Variants in ZNF804B observed in about 807,000 individuals in gnomAD.
ZNF804B encodes zinc finger 804B.
Under a neutral mutation model 101.4 loss-of-function variants are expected in ZNF804B, and 80 were observed. The ratio of observed to expected loss-of-function variants is 0.79; its 90% CI spans 0.66 to 0.95. ZNF804B has a LOEUF of 0.95. Ranked by LOEUF, ZNF804B falls within the 40% of genes least tolerant of loss-of-function variation. ZNF804B has a pLI of 0.00. For synonymous variants in ZNF804B, 622 were observed against 558.8 expected (o/e 1.11, Z -1.59); for missense variants, 1,673 against 1,561.9 (o/e 1.07, Z -1.20).
At chr7:88,931,675 T>C (rs79388421) in intron 1 of ZNF804B, among the ~76,000 whole-genome samples, 3,647 of 151,996 alleles carry the variant, frequency 0.024, 68 homozygotes, top group Non-Finnish European at 0.035. Flanking sequence ...CTCCCTTTGA[T>C]TGTATGCTCC....
At chr7:88,883,841 G>C (rs928851715) in intron 1 of ZNF804B, among the ~76,000 whole-genome samples, 5 of 151,892 alleles carry the variant, frequency 3.3e-5, no homozygotes, top group African/African-American at 9.7e-5. Flanking sequence ...TGTAGTTAAT[G>C]CTAGTGTTGG....
intron 1 of ZNF804B, among the ~76,000 whole-genome samples, chr7:88,823,819 G>A (rs6975242): frequency 0.5 from 75,491 of 151,890 alleles, 20,570 homozygotes; most frequent in East Asian, 0.81. Flanking sequence ...ATGAGAAGAA[G>A]AGGAAGAAAA....
intron 1 of ZNF804B, among the ~76,000 whole-genome samples, chr7:88,948,646 C>A (rs138324978): frequency 6.6e-6 from 1 of 151,970 alleles, no homozygotes; most frequent in East Asian, 2.0e-4. Context: ...AAATAGACCT[C>A]TTGAGCATTA....
At chr7:89,050,038 C>A (rs753028845) in intron 1 of ZNF804B, among the ~76,000 whole-genome samples, 7 of 152,004 alleles carry the variant, frequency 4.6e-5, no homozygotes, top group Admixed American at 2.6e-4. Context: ...CAAAAAATTT[C>A]TCACTAGTCT....
At position 89,335,253 on chromosome 7, in the gene ZNF804B, T is replaced by G; in HGVS notation, c.2271T>G (p.Cys757Trp). Reference sequence around the variant, plus strand: ...CAGTTGAAAGGCACAAACGGAAATGTCTAAAGCACAACTGCTTCTACTTGT... The same window carrying G: ...CAGTTGAAAGGCACAAACGGAAATGGCTAAAGCACAACTGCTTCTACTTGT... ...HHSVERHKRK[C>W]LKHNCFYLSD... The change falls in exon 4 of 4, where the codon TGT becomes TGG. Residue 757 changes from cysteine (C) to tryptophan (W), a missense_variant. Cys to Trp is a radical substitution (Grantham distance 215, BLOSUM62 -2). Coordinates refer to ENST00000333190, the MANE Select transcript of ZNF804B (RefSeq NM_181646.5). 1 of 1,613,798 alleles carries G rather than the reference T, an allele frequency of 6.2e-7. No homozygotes were observed.
chr7:88,982,631 A>C (rs1223521177), intron 1 of ZNF804B, among the ~76,000 whole-genome samples: 1 of 152,066 alleles, frequency 6.6e-6, no homozygotes, highest in Non-Finnish European at 1.5e-5. Flanking sequence ...ATTAGAGCCC[A>C]CCCATGAGAC....
At chr7:89,257,448 T>C (rs1011410477) in intron 2 of ZNF804B, among the ~76,000 whole-genome samples, 1 of 152,106 alleles carries the variant, frequency 6.6e-6, no homozygotes, top group Non-Finnish European at 1.5e-5. Flanking sequence ...GAGTCCTAAT[T>C]TAATGCATTA....
intron 1 of ZNF804B, among the ~76,000 whole-genome samples, chr7:89,161,360 T>C (rs935751825): frequency 2.0e-5 from 3 of 152,028 alleles, no homozygotes; most frequent in African/African-American, 7.2e-5. Flanking sequence ...CTATGTTACA[T>C]GATCTCAATA....
chr7:89,164,956 C>T (rs1319305363), intron 1 of ZNF804B, among the ~76,000 whole-genome samples: 6 of 151,962 alleles, frequency 3.9e-5, no homozygotes, highest in Non-Finnish European at 8.8e-5. Flanking sequence ...CTCAGAACAG[C>T]CATATGAGGC....
intron 1 of ZNF804B, among the ~76,000 whole-genome samples, chr7:89,062,753 C>T (rs73391207): frequency 0.032 from 4,886 of 152,128 alleles, 269 homozygotes; most frequent in African/African-American, 0.11. Flanking sequence ...CTTTTATTTT[C>T]CAGATTCATT....
At chr7:88,812,252 A>T (rs2115737102) in intron 1 of ZNF804B, among the ~76,000 whole-genome samples, 1 of 152,326 alleles carries the variant, frequency 6.6e-6, no homozygotes, top group Non-Finnish European at 1.5e-5. Flanking sequence ...TCCAAAAGTC[A>T]TTTAATTTTG....
At chr7:89,138,381 C>T (rs1233795161) in intron 1 of ZNF804B, among the ~76,000 whole-genome samples, 9 of 152,194 alleles carry the variant, frequency 5.9e-5, no homozygotes, top group South Asian at 4.1e-4. Flanking sequence ...TGCAGCTTTA[C>T]GATGTGACCG....
chr7:88,854,508 T>C (rs1791515450), intron 1 of ZNF804B, among the ~76,000 whole-genome samples: 1 of 89,762 alleles, frequency 1.1e-5, no homozygotes, highest in African/African-American at 6.1e-5. Context: ...TTTCCTTTCC[T>C]TTCCTTTCCT....
At chr7:89,129,099 A>G (rs547795410) in intron 1 of ZNF804B, among the ~76,000 whole-genome samples, 168 of 152,084 alleles carry the variant, frequency 1.1e-3, no homozygotes, top group Non-Finnish European at 1.7e-3. Context: ...TATACCTGCT[A>G]AAGTTTGATA....
chr7:88,780,920 A>G (rs1336727338), intron 1 of ZNF804B, among the ~76,000 whole-genome samples: 4 of 152,156 alleles, frequency 2.6e-5, no homozygotes, highest in African/African-American at 9.7e-5. Flanking sequence ...TTATTTTATA[A>G]TGTACTAATT....
chr7:89,080,758 G>A (rs935750529), intron 1 of ZNF804B, among the ~76,000 whole-genome samples: 1 of 151,916 alleles, frequency 6.6e-6, no homozygotes, highest in Non-Finnish European at 1.5e-5. Context: ...CGACCATGAA[G>A]AGCTGCCTTA....
At chr7:89,271,232 A>G (rs1287149254) in intron 2 of ZNF804B, among the ~76,000 whole-genome samples, 3 of 152,152 alleles carry the variant, frequency 2.0e-5, no homozygotes, top group Non-Finnish European at 4.4e-5. Context: ...TTATTTTGAG[A>G]TACATCCCAT....
intron 1 of ZNF804B, among the ~76,000 whole-genome samples, chr7:89,195,633 G>A (rs975313220): frequency 6.6e-6 from 1 of 150,580 alleles, no homozygotes; most frequent in Non-Finnish European, 1.5e-5. Context: ...AACTTACAGG[G>A]GATGTGAAGG....
At chr7:89,245,569 C>T (rs1215472969) in intron 2 of ZNF804B, among the ~76,000 whole-genome samples, 1 of 151,962 alleles carries the variant, frequency 6.6e-6, no homozygotes, top group East Asian at 1.9e-4. Flanking sequence ...AAGAATTACA[C>T]CTAAAATTTC....
Sources: gnomAD v4.1 joint callset for allele counts (sites outside exome capture counted in the v4.1 genomes callset) on GRCh38, gnomAD v4.1.1 for gene constraint, MANE v1.5 for transcripts, NCBI Gene and HGNC (gene_info 2026-07-23, HGNC 2026-07-21) for gene names.